Variants in HLA-B observed in about 807,000 individuals in gnomAD.
HLA-B encodes HLA class I antigen HLA-B.
Under a neutral mutation model 41.5 loss-of-function variants are expected in HLA-B, and 31 were observed. The ratio of observed to expected loss-of-function variants is 0.75; its 90% CI spans 0.56 to 1.01. The LOEUF (loss-of-function observed/expected upper bound fraction) is 1.01. HLA-B is among the 50% of genes least tolerant of loss of function. The probability of loss-of-function intolerance (pLI) is 0.00; values close to 1 mark genes in which losing one functional copy is unlikely to be tolerated. For missense variants in HLA-B, 369 were observed against 457.2 expected (o/e 0.81, Z 1.76); for synonymous variants, 138 against 189.0 (o/e 0.73, Z 2.21).
In HLA-B at chr6:31,354,835, C is replaced by A. The variant is rs547654117; in HGVS notation, c.1013-170G>T. On this transcript the variant is annotated intron_variant, in intron 5 of 7. Transcript: ENST00000412585. ...AAGTGTGGGTCCTGGACCAACTGCC[C>A]TCCTAAGGTCTGTCCTTAGCAGGGA... The A allele has an allele frequency of 1.5e-3, 614 of 405,230 alleles. 26 individuals are homozygous for A. Among genetic ancestry groups the A allele is most frequent in the Non-Finnish European group, 2.1e-3 (509 of 238,442 alleles). The allele number at this position is 405,230 out of a possible 1,614,324, so 25.1% of individuals were successfully genotyped here.
At position 31,356,825 on chromosome 6, in the gene HLA-B, T is replaced by TTC; in HGVS notation, c.205_206insGA (p.Glu69GlyfsTer9). ...CTCTATCCACGGCGCCCGCGGCTCC[T>TTC]CTCTCGGACTCGCGGCGTCGCTGTC... On this transcript the variant is annotated frameshift_variant, in exon 2 of 8. Transcript: ENST00000412585. LOFTEE classifies it high-confidence loss of function. The TTC allele has an allele frequency of 2.8e-6, 3 of 1,077,734 alleles. No homozygotes were observed. The highest frequency in any genetic ancestry group is 2.4e-6 in the Non-Finnish European group (2 of 823,510). The allele number at this position is 1,077,734 out of a possible 1,614,324, so 66.8% of individuals were successfully genotyped here.
chr6:31,357,065 TC>T lies in HLA-B; in HGVS notation c.73+20del. 1.1e-6 allele frequency: 1 copy of T among 908,510 alleles called. No homozygotes were observed. Among genetic ancestry groups the T allele is most frequent in the South Asian group, 2.4e-5 (1 of 41,068 alleles). The allele number at this position is 908,510 out of a possible 1,614,324, so 56.3% of individuals were successfully genotyped here. The stretch of plus-strand genomic sequence containing the variant: ...CTCGCTCCTCCCGGCAGAGGCCATT[TC>T]CCTCCCGACCCGCACTCACCGGCCC... On this transcript the variant is annotated intron_variant, in intron 1 of 7. Coordinates refer to ENST00000412585, the MANE Select transcript of HLA-B (RefSeq NM_005514.8).
At chr6:31,355,921 G>A (rs1279057008) in intron 3 of HLA-B, 2 of 515,914 alleles carry the variant, frequency 3.9e-6, no homozygotes, top group Non-Finnish European at 6.8e-6. Flanking sequence ...GCTGCTGCAG[G>A]GGTCAAAGGG....
chr6:31,354,431 C>T, intron 7 of HLA-B, 48 bp downstream of exon 7: 1 of 362,278 alleles, frequency 2.8e-6, no homozygotes. Flanking sequence ...CTGCCCCACC[C>T]ACCCCCAGAC....
intron 7 of HLA-B, 40 bp from the exon 8 acceptor site, chr6:31,354,336 A>G (rs1378006895): frequency 7.5e-6 from 4 of 533,736 alleles, no homozygotes; most frequent in African/African-American, 4.1e-5. Flanking sequence ...CTGGTTAGTC[A>G]TGGTAAGCGA....
In HLA-B at chr6:31,356,893, G is replaced by C. The variant is rs137854656; in HGVS notation, c.138C>G (p.Phe46Leu). 9.0e-7 allele frequency: 1 copy of C among 1,114,310 alleles called. No homozygotes were observed. The highest frequency in any genetic ancestry group is 3.5e-5 in the East Asian group (1 of 28,446). The allele number at this position is 1,114,310 out of a possible 1,614,324, so 69.0% of individuals were successfully genotyped here. ...TGTCGTCCACGTAGCCCACTGAGAT[G>C]AAGCGGGGCTCCCCGCGGCCGGGCC... is the stretch of plus-strand genomic sequence containing the variant. Reference protein sequence around the residue: ...VSRPGRGEPRFISVGYVDDTQ... With the variant: ...VSRPGRGEPRLISVGYVDDTQ... Residue 46 changes from phenylalanine (F) to leucine (L), a missense_variant, in exon 2 of 8, where the codon TTC becomes TTG. Transcript: ENST00000412585.
chr6:31,355,072 GA>G, intron 5 of HLA-B, 34 bp downstream of exon 5: 1 of 796,300 alleles, frequency 1.3e-6, no homozygotes, highest in South Asian at 2.1e-5. Context: ...AGTGGGACAA[GA>G]AAACCCAGAC....
At position 31,355,407 on chromosome 6, in the gene HLA-B, C is replaced by T. The variant is rs2308488; in HGVS notation, c.805G>A (p.Ala269Thr). The T allele has an allele frequency of 3.5e-3, 5,540 of 1,583,872 alleles. 184 individuals carry two copies. The highest frequency in any genetic ancestry group is 0.029 in the Admixed American group (1,607 of 56,066). ...PAGDRTFQKWAAVVVPSGEEQ... is the reference protein window; with the variant it reads ...PAGDRTFQKWTAVVVPSGEEQ... Reference sequence around the variant, plus strand: ...TCTCCAGAAGGCACCACCACAGCTGCCCACTTCTGGAAGGTTCTATCTCCT... The same window carrying T: ...TCTCCAGAAGGCACCACCACAGCTGTCCACTTCTGGAAGGTTCTATCTCCT... Residue 269 changes from alanine (A) to threonine (T), a missense_variant, in exon 4 of 8, where the codon GCA becomes ACA. Physicochemically the swap from Ala to Thr is moderately conservative, Grantham distance 58. This residue lies in a region of HLA-B where 12 missense variants were observed against 85.1 expected (regional missense o/e 0.14). Transcript: ENST00000412585.
At chr6:31,354,364 C>T in intron 7 of HLA-B, 68 bp from the exon 8 acceptor site, 1 of 473,142 alleles carries the variant, frequency 2.1e-6, no homozygotes, top group Non-Finnish European at 3.9e-6. Flanking sequence ...CTAAACAGCC[C>T]ACCACACACG....
At chr6:31,355,849 C>T in intron 3 of HLA-B, 1 of 637,082 alleles carries the variant, frequency 1.6e-6, no homozygotes. Flanking sequence ...GAATCAGAGC[C>T]CCAAACACAC....
rs709055 is a variant in HLA-B, at chr6:31,356,374, C to T, written c.412G>A (p.Asp138Asn). ...TCCTTGCCGTCGTAGGCGTACTGGT[C>T]ATGCCCGCGGAGGAGGCGCCCGTCC... is the stretch of plus-strand genomic sequence containing the variant. ...GPDGRLLRGH[D>N]QYAYDGKDYI... The change falls in exon 3 of 8, where the codon GAC becomes AAC. Residue 138 changes from aspartate (D) to asparagine (N), a missense_variant. Asp to Asn is a conservative substitution (Grantham distance 23, BLOSUM62 1). Coordinates refer to ENST00000412585, the MANE Select transcript of HLA-B (RefSeq NM_005514.8). The T allele has an allele frequency of 0.35, 299,765 of 866,426 alleles. 72,390 individuals carry two copies. Among genetic ancestry groups the T allele is most frequent in the East Asian group, 0.5 (13,872 of 27,486 alleles). 53.7% of individuals were successfully genotyped at this position (866,426 alleles called of 1,614,324 possible). A position where few individuals can be genotyped will look rare whatever the true frequency, so the allele number is the denominator to read the frequency against.
Position 31,355,545 on chromosome 6 carries a change from C to T in HLA-B, c.667G>A (p.Ala223Thr), listed in dbSNP as rs61759950. ...VTHHPISDHE[A>T]TLRCWALGFY... ...CCCAGGGCCCAGCACCTCAGGGTGG[C>T]CTCATGGTCAGAGATGGGGTGGTGG... Residue 223 changes from alanine to threonine, a missense_variant, in exon 4 of 8, where the codon GCC (alanine) becomes ACC (threonine). By Grantham distance (58) the Ala-to-Thr change is moderately conservative. Transcript: ENST00000412585. The T allele has an allele frequency of 4.2e-6, 6 of 1,425,362 alleles. No homozygotes were observed. The highest frequency in any genetic ancestry group is 5.7e-6 in the Non-Finnish European group (6 of 1,054,706). The allele number at this position is 1,425,362 out of a possible 1,614,324, so 88.3% of individuals were successfully genotyped here.
chr6:31,355,387 A>G lies in HLA-B; in HGVS notation c.825T>C (p.Ser275=). ...FQKWAAVVVP[S]GEEQRYTCHV... ...GGCATGTGTATCTCTGCTCTTCTCC[A>G]GAAGGCACCACCACAGCTGCCCACT... Residue 275 remains serine (S), a synonymous_variant, in exon 4 of 8, where the codon TCT becomes TCC. Transcript: ENST00000412585. 6.3e-7 allele frequency: 1 copy of G among 1,586,112 alleles called. No homozygotes were observed.
At position 31,354,146 on chromosome 6, in the gene HLA-B, G is replaced by T. The variant is rs1293868475; in HGVS notation, c.*155C>A. On this transcript the variant is annotated 3_prime_UTR_variant, in exon 8 of 8. Transcript: ENST00000412585. ...GGGGTCACAGTGGACACAAGGGTGGGCTGTCTCTCCACCTCCTCACATTAT... is the reference window on the plus strand; with the variant it reads ...GGGGTCACAGTGGACACAAGGGTGGTCTGTCTCTCCACCTCCTCACATTAT... The T allele has an allele frequency of 2.0e-5, 10 of 495,670 alleles. No homozygotes were observed. Among genetic ancestry groups the T allele is most frequent in the Non-Finnish European group, 3.9e-5 (10 of 254,240 alleles). 30.7% of individuals were successfully genotyped at this position (495,670 alleles called of 1,614,324 possible).
chr6:31,354,043 A>G lies in HLA-B; in HGVS notation c.*258T>C. 2.6e-6 allele frequency: 1 copy of G among 390,758 alleles called. No individual in the cohort carries two copies. Among genetic ancestry groups the G allele is most frequent in the Non-Finnish European group, 5.0e-6 (1 of 201,292 alleles). The allele number at this position is 390,758 out of a possible 1,614,324, so 24.2% of individuals were successfully genotyped here. A position where few individuals can be genotyped will look rare whatever the true frequency, so the allele number is the denominator to read the frequency against. On this transcript the variant is annotated 3_prime_UTR_variant, in exon 8 of 8. Transcript: ENST00000412585. ...AGCTCAGTGCACGTAAAGTTGAGACAGAGATGGAGACATCCAGCCCCACCT... is the reference window on the plus strand; with the variant it reads ...AGCTCAGTGCACGTAAAGTTGAGACGGAGATGGAGACATCCAGCCCCACCT...
At position 31,354,070 on chromosome 6, in the gene HLA-B, T is replaced by C. The variant is rs1766655200; in HGVS notation, c.*231A>G. On this transcript the variant is annotated 3_prime_UTR_variant, in exon 8 of 8. Transcript: ENST00000412585. Reference sequence around the variant, plus strand: ...AGATGGAGACATCCAGCCCCACCTCTCTGGAACAAGAAAGATGACTGGGGA... The same window carrying C: ...AGATGGAGACATCCAGCCCCACCTCCCTGGAACAAGAAAGATGACTGGGGA... The C allele has an allele frequency of 1.1e-5, 5 of 435,658 alleles. No individual in the cohort carries two copies. The highest frequency in any genetic ancestry group is 2.2e-5 in the Non-Finnish European group (5 of 223,378). The allele number at this position is 435,658 out of a possible 1,614,324, so 27.0% of individuals were successfully genotyped here.
rs151341271 is a variant in HLA-B at position 31,356,288 on chromosome 6, G to T, written c.498C>A (p.Ile166=). Residue 166 remains isoleucine (I), a synonymous_variant, in exon 3 of 8, where the codon ATC becomes ATA. Coordinates refer to ENST00000412585, the MANE Select transcript of HLA-B (RefSeq NM_005514.8). ...GGGCCGCCTCCCACTTGCGCTGGGTGATCTGAGCCGCCGTGTCCGCGGCGG... is the reference window on the plus strand; with the variant it reads ...GGGCCGCCTCCCACTTGCGCTGGGTTATCTGAGCCGCCGTGTCCGCGGCGG... The part of the protein sequence containing the change: ...SWTAADTAAQ[I]TQRKWEAARE... 3.6e-6 allele frequency: 5 copies of T among 1,371,530 alleles called. No homozygotes were observed. The highest frequency in any genetic ancestry group is 2.9e-6 in the Non-Finnish European group (3 of 1,042,400). The allele number at this position is 1,371,530 out of a possible 1,614,324, so 85.0% of individuals were successfully genotyped here.
In HLA-B at chr6:31,355,335, GC is replaced by G. The variant is rs779978045; in HGVS notation, c.876del (p.Lys292AsnfsTer5). 5.7e-6 allele frequency: 9 copies of G among 1,580,496 alleles called. No homozygotes were observed. ...TCCTTACCCCATCTCAGGGTGAGGGGCTTCGGCAGCCCCTCATGCTGTACAT... is the reference window on the plus strand; with the variant it reads ...TCCTTACCCCATCTCAGGGTGAGGGGTTCGGCAGCCCCTCATGCTGTACAT... ...TCHVQHEGLP[K>X]PLTLRWEPSS... On this transcript the variant is annotated frameshift_variant, in exon 4 of 8. Coordinates refer to ENST00000412585, the MANE Select transcript of HLA-B (RefSeq NM_005514.8). LOFTEE classifies it high-confidence loss of function.
At chr6:31,354,443 CGCCA>C (rs200450928) in intron 7 of HLA-B, 32 bp downstream of exon 7, 34,911 of 505,248 alleles carry the variant, frequency 0.069, 3,153 homozygotes, top group South Asian at 0.19. Context: ...CCCCCAGACC[CGCCA>C]CCCCACCCAC....
Sources: allele counts gnomAD v4.1 joint callset, GRCh38; gene constraint gnomAD v4.1.1; regional missense constraint gnomAD v4.1.1; transcripts MANE v1.5; gene names NCBI Gene and HGNC (gene_info 2026-07-23, HGNC 2026-07-21).